Variants in PTPRK observed in about 807,000 individuals in gnomAD.
PTPRK encodes the protein protein tyrosine phosphatase receptor type K, also known as receptor-type tyrosine-protein phosphatase kappa.
Under a neutral mutation model 178.0 loss-of-function variants are expected in PTPRK, and 75 were observed. The ratio of observed to expected loss-of-function variants is 0.42; its 90% CI spans 0.35 to 0.51. PTPRK has a LOEUF of 0.51. Among genes scored for constraint, PTPRK ranks in the 20% least tolerant of loss-of-function variants. PTPRK has a pLI of 0.02. For synonymous variants in PTPRK, 637 were observed against 620.6 expected, an observed-to-expected ratio of 1.03 and a Z score of -0.39; for missense variants, 1,441 against 1,797.8, an observed-to-expected ratio of 0.80 and a Z score of 3.59.
chr6:128,089,025 C>A (rs906853690), intron 8 of PTPRK, among the ~76,000 whole-genome samples: 2 of 152,136 alleles, frequency 1.3e-5, no homozygotes, highest in African/African-American at 4.8e-5. Flanking sequence ...TGCAATGGTG[C>A]GATCTCAGCT....
chr6:128,376,522 G>T (rs566904333), intron 2 of PTPRK, among the ~76,000 whole-genome samples: 65 of 152,236 alleles, frequency 4.3e-4, no homozygotes, highest in African/African-American at 1.5e-3. Context: ...TGTGATGGGA[G>T]GGGCTGTTGT....
rs1046805961 is a variant in PTPRK, at chr6:128,519,407, C to A, written c.100+852G>T. On this transcript the variant is annotated intron_variant, in intron 1 of 29. Transcript: ENST00000368226. The surrounding 1 kb of genome is among the most constrained non-coding windows in gnomAD (Gnocchi z 4.3). ...CGCTCCACTTGTCTCCTTTTGGGTT[C>A]TCCGGCAGAAGGCAGACATTTACAG... is the stretch of plus-strand genomic sequence containing the variant. 1.3e-5 allele frequency among the ~76,000 whole-genome samples: 2 copies of A among 152,180 alleles called. No homozygotes were observed. The highest frequency in any genetic ancestry group is 6.5e-5 in the Admixed American group (1 of 15,282).
intron 7 of PTPRK, among the ~76,000 whole-genome samples, chr6:128,177,429 C>A (rs1801235308): frequency 6.6e-6 from 1 of 151,622 alleles, no homozygotes; most frequent in African/African-American, 2.4e-5. Context: ...TCAATAAAAA[C>A]AAACAAAGCC....
intron 1 of PTPRK, among the ~76,000 whole-genome samples, chr6:128,470,380 A>G (rs940185325): frequency 3.3e-5 from 5 of 149,886 alleles, no homozygotes; most frequent in Non-Finnish European, 7.5e-5. Context: ...TTTCTATGAA[A>G]TCGTTTTCTT....
At chr6:128,437,415 G>A (rs942423698) in intron 1 of PTPRK, among the ~76,000 whole-genome samples, 2 of 152,072 alleles carry the variant, frequency 1.3e-5, no homozygotes, top group South Asian at 4.1e-4. Flanking sequence ...CTGCAACTAA[G>A]TAGTATCTAA....
At chr6:128,509,588 A>T (rs1856881389) in intron 1 of PTPRK, among the ~76,000 whole-genome samples, 2 of 152,168 alleles carry the variant, frequency 1.3e-5, no homozygotes, top group Admixed American at 1.3e-4. Context: ...GTTTACAAAT[A>T]TAAAACTACT....
intron 6 of PTPRK, among the ~76,000 whole-genome samples, chr6:128,188,474 A>G (rs1803149308): frequency 6.6e-6 from 1 of 152,178 alleles, no homozygotes. Context: ...TAATTTCCCA[A>G]TTAGATAAAT....
chr6:128,379,897 T>G (rs1837635875), intron 2 of PTPRK, among the ~76,000 whole-genome samples: 1 of 152,202 alleles, frequency 6.6e-6, no homozygotes, highest in Non-Finnish European at 1.5e-5. Context: ...TGTTGTTTAA[T>G]AATATTTGTG....
chr6:128,474,206 C>T (rs1387096837), intron 1 of PTPRK, among the ~76,000 whole-genome samples: 1 of 125,598 alleles, frequency 8.0e-6, no homozygotes, highest in Non-Finnish European at 1.8e-5. Context: ...ACAAACAAAC[C>T]CTGAAAGTCA....
intron 7 of PTPRK, among the ~76,000 whole-genome samples, chr6:128,127,621 T>C (rs1020376959): frequency 2.0e-5 from 3 of 152,224 alleles, no homozygotes; most frequent in Admixed American, 6.5e-5. Flanking sequence ...AAGGTCACAA[T>C]GTTACCTGTA....
intron 1 of PTPRK, among the ~76,000 whole-genome samples, chr6:128,497,106 C>T (rs959360844): frequency 3.9e-5 from 6 of 152,162 alleles, no homozygotes; most frequent in African/African-American, 1.4e-4. Flanking sequence ...CTTATGTCAA[C>T]TGTCGGAATT....
intron 1 of PTPRK, among the ~76,000 whole-genome samples, chr6:128,440,877 A>G (rs1028640995): frequency 2.6e-5 from 4 of 152,178 alleles, no homozygotes; most frequent in Non-Finnish European, 5.9e-5. Flanking sequence ...TATTAAAAAA[A>G]AAATACCACG....
chr6:128,194,767 G>A (rs1464723475), intron 6 of PTPRK, among the ~76,000 whole-genome samples: 1 of 151,984 alleles, frequency 6.6e-6, no homozygotes, highest in Non-Finnish European at 1.5e-5. Context: ...GAAAGGAAGG[G>A]AACTGTGTTT....
intron 6 of PTPRK, among the ~76,000 whole-genome samples, chr6:128,189,613 C>A (rs1384753671): frequency 6.6e-6 from 1 of 152,176 alleles, no homozygotes; most frequent in African/African-American, 2.4e-5. Context: ...CAGGAGTCCA[C>A]TGCTCTATTA....
chr6:128,196,037 T>A (rs1221522190), intron 6 of PTPRK, among the ~76,000 whole-genome samples: 1 of 152,086 alleles, frequency 6.6e-6, no homozygotes, highest in Non-Finnish European at 1.5e-5. Context: ...GCTATCCTGA[T>A]GGCAATGATA....
intron 11 of PTPRK, among the ~76,000 whole-genome samples, chr6:128,076,722 C>T (rs985147411): frequency 6.6e-5 from 10 of 152,020 alleles, no homozygotes; most frequent in Admixed American, 5.2e-4. Context: ...TCTAATTGGT[C>T]TTTAGAAATT....
intron 7 of PTPRK, among the ~76,000 whole-genome samples, chr6:128,121,859 A>G (rs1337010619): frequency 6.6e-6 from 1 of 152,028 alleles, no homozygotes; most frequent in Non-Finnish European, 1.5e-5. Flanking sequence ...CTATACTCCA[A>G]AAACTGAATT....
intron 3 of PTPRK, among the ~76,000 whole-genome samples, chr6:128,248,298 T>C (rs1308420399): frequency 6.6e-6 from 1 of 152,168 alleles, no homozygotes; most frequent in African/African-American, 2.4e-5. Context: ...ACACATTACA[T>C]ATATGTGCAT....
chr6:128,280,649 A>G (rs538663062), intron 3 of PTPRK, among the ~76,000 whole-genome samples: 102 of 152,322 alleles, frequency 6.7e-4, no homozygotes, highest in African/African-American at 2.4e-3. Flanking sequence ...AATCATTAGG[A>G]GAATAACTTG....
Sources: gnomAD v4.1 joint callset for allele counts (sites outside exome capture counted in the v4.1 genomes callset) on GRCh38, gnomAD v4.1.1 for gene constraint, Gnocchi (gnomAD v3.1) non-coding constraint, MANE v1.5 for transcripts, NCBI Gene and HGNC (gene_info 2026-07-23, HGNC 2026-07-21) for gene names.